RCOR3: variants seen among roughly 807,000 people sequenced by gnomAD.
RCOR3 encodes the protein REST corepressor 3.
Under a neutral mutation model 64.1 loss-of-function variants are expected in RCOR3, and 13 were observed. That is an observed-to-expected ratio of 0.20 (90% CI 0.13 to 0.32). The LOEUF is 0.32. RCOR3 is among the 10% of genes least tolerant of loss of function. The pLI is 1.00. For missense variants in RCOR3, 489 were observed against 701.2 expected, an observed-to-expected ratio of 0.70 and a Z score of 3.42; for synonymous variants, 215 against 239.0, an observed-to-expected ratio of 0.90 and a Z score of 0.93.
chr1:211,300,688 A>G (rs555999288), intron 9 of RCOR3, among the ~76,000 whole-genome samples: 7 of 152,320 alleles, frequency 4.6e-5, no homozygotes, highest in African/African-American at 1.7e-4. Flanking sequence ...AATTACACAA[A>G]TTTATCCAGA....
chr1:211,292,468 AC>A (rs1317326231), intron 8 of RCOR3, among the ~76,000 whole-genome samples: 20 of 152,326 alleles, frequency 1.3e-4, no homozygotes, highest in African/African-American at 4.8e-4. Flanking sequence ...TCTCAGTACT[AC>A]TACTCCTACA....
At position 211,259,393 on chromosome 1, in the gene RCOR3, C is replaced by T. The variant is rs975416333; in HGVS notation, c.-168C>T. On this transcript the variant is annotated 5_prime_UTR_variant, in exon 1 of 12. Coordinates refer to ENST00000419091, the MANE Select transcript of RCOR3 (RefSeq NM_001136223.3). ...TGTTGTGAGGCGACTGCGCTACTGCCGGAGCGGGGCGGTTATGGCGGCTCC... is the reference window on the plus strand; with the variant it reads ...TGTTGTGAGGCGACTGCGCTACTGCTGGAGCGGGGCGGTTATGGCGGCTCC... The T allele has an allele frequency of 3.3e-6, 2 of 610,278 alleles. No homozygotes were observed. Among genetic ancestry groups the T allele is most frequent in the Admixed American group, 3.4e-5 (1 of 29,224 alleles). 37.8% of individuals were successfully genotyped at this position (610,278 alleles called of 1,614,324 possible). A position where few individuals can be genotyped will look rare whatever the true frequency, so the allele number is the denominator to read the frequency against.
intron 7 of RCOR3, among the ~76,000 whole-genome samples, chr1:211,286,607 G>A (rs1290527859): frequency 2.6e-5 from 4 of 151,884 alleles, no homozygotes; most frequent in Admixed American, 6.6e-5. Context: ...GTGCCCAGCC[G>A]GGATGTTTCT....
At chr1:211,295,121 C>A (rs906051281) in intron 8 of RCOR3, among the ~76,000 whole-genome samples, 26 of 149,650 alleles carry the variant, frequency 1.7e-4, no homozygotes, top group African/African-American at 6.5e-4. Flanking sequence ...TCCTGGCCTC[C>A]AAAAACACTA....
intron 8 of RCOR3, among the ~76,000 whole-genome samples, chr1:211,290,537 AT>A (rs1056565702): frequency 2.7e-5 from 4 of 150,480 alleles, no homozygotes; most frequent in Admixed American, 2.0e-4. Flanking sequence ...TTTTCTCCTC[AT>A]TTTTTTTATT....
In RCOR3 at chr1:211,314,622, A is replaced by G. The variant is rs577936115; in HGVS notation, c.*854A>G. The G allele has an allele frequency of 1.3e-5, 2 of 152,288 alleles. No homozygotes were observed. The highest frequency in any genetic ancestry group is 2.9e-5 in the Non-Finnish European group (2 of 67,992). The allele number at this position is 152,288 out of a possible 1,614,324, so 9.4% of individuals were successfully genotyped here. ...TTGGTTTTTTTTGTTTCTAAATGCT[A>G]TCTGCTTTTAACTAGTAGTTGCCTA... On this transcript the variant is annotated 3_prime_UTR_variant, in exon 12 of 12. Coordinates refer to ENST00000419091, the MANE Select transcript of RCOR3 (RefSeq NM_001136223.3).
intron 2 of RCOR3, among the ~76,000 whole-genome samples, chr1:211,270,773 ATCTGTTTTCCT>A (rs1399176782): frequency 7.2e-5 from 11 of 151,960 alleles, no homozygotes; most frequent in Non-Finnish European, 1.3e-4. Context: ...TGTAATGTAA[ATCTGTTTTCCT>A]TCTGTTTTCC....
At chr1:211,295,797 T>C in intron 9 of RCOR3, 44 bp downstream of exon 9, 1 of 1,542,014 alleles carries the variant, frequency 6.5e-7, no homozygotes, top group Non-Finnish European at 9.0e-7. Context: ...AGTGAAAACT[T>C]GTTTTTTCAG....
At chr1:211,259,815 C>G in intron 1 of RCOR3, 89 bp downstream of exon 1, 1 of 1,233,332 alleles carries the variant, frequency 8.1e-7, no homozygotes, top group Non-Finnish European at 1.1e-6. Context: ...CTCTCCCGCC[C>G]TCCCTCCCCT....
At chr1:211,259,977 G>C (rs1180339526) in intron 1 of RCOR3, 131 bp from the exon 2 acceptor site, 1 of 1,328,412 alleles carries the variant, frequency 7.5e-7, no homozygotes, top group East Asian at 3.0e-5. Flanking sequence ...AGTGCCCCGA[G>C]TTGATATCTT....
rs1286772367 is a variant in RCOR3, at chr1:211,315,513, A to G, written c.*1745A>G. On this transcript the variant is annotated 3_prime_UTR_variant, in exon 12 of 12. Transcript: ENST00000419091. The stretch of plus-strand genomic sequence containing the variant: ...AGCTGATTTAAAATTCTTAATATTC[A>G]AGAATTTATACTTATTTTTTCCTTA... The G allele has an allele frequency of 2.0e-5, 3 of 152,224 alleles. No individual in the cohort carries two copies. The highest frequency in any genetic ancestry group is 2.0e-4 in the Admixed American group (3 of 15,288). The allele number at this position is 152,224 out of a possible 1,614,324, so 9.4% of individuals were successfully genotyped here.
At chr1:211,281,100 A>G (rs1697745431) in intron 7 of RCOR3, among the ~76,000 whole-genome samples, 1 of 151,880 alleles carries the variant, frequency 6.6e-6, no homozygotes, top group Non-Finnish European at 1.5e-5. Flanking sequence ...CCACCACTTC[A>G]CTGAAACTGC....
At position 211,289,296 on chromosome 1, in the gene RCOR3, A is replaced by G. The variant is rs777521754; in HGVS notation, c.839A>G (p.Tyr280Cys). 4 of 1,614,048 alleles carry G rather than the reference A, an allele frequency of 2.5e-6. No homozygotes were observed. Among genetic ancestry groups the G allele is most frequent in the Middle Eastern group, 3.3e-4 (2 of 6,084 alleles). The change falls in exon 8 of 12, where the codon TAT (tyrosine) becomes TGT (cysteine). Residue 280 changes from tyrosine (Y) to cysteine (C), a missense_variant. Tyr to Cys is a radical substitution (Grantham distance 194). This residue lies in a region of RCOR3 where 402 missense variants were observed against 617.0 expected (regional missense o/e 0.65). Transcript: ENST00000419091. ...RSKCRPPKGM[Y>C]LTQEDVVAVS... The stretch of plus-strand genomic sequence containing the variant: ...AAGTGCCGTCCACCTAAGGGCATGT[A>G]TTTAACCCAGGAAGATGTGGTAGCA...
chr1:211,291,056 A>AGT (rs1279622590), intron 8 of RCOR3, among the ~76,000 whole-genome samples: 1 of 152,086 alleles, frequency 6.6e-6, no homozygotes, highest in Non-Finnish European at 1.5e-5. Context: ...ATATTACAGT[A>AGT]GTCCTCCCTT....
intron 2 of RCOR3, among the ~76,000 whole-genome samples, 191 bp downstream of exon 2, chr1:211,260,355 A>T (rs1478760875): frequency 6.6e-6 from 1 of 152,168 alleles, no homozygotes; most frequent in Admixed American, 6.5e-5. Context: ...GTGCACTGCA[A>T]GGTTAACATG....
At chr1:211,279,086 CT>C in intron 6 of RCOR3, 151 bp from the exon 7 acceptor site, 1 of 476,012 alleles carries the variant, frequency 2.1e-6, no homozygotes, top group Non-Finnish European at 3.8e-6. Flanking sequence ...ACTTGGGAGA[CT>C]GAGGTGAGAG....
At chr1:211,264,401 G>A (rs1694855173) in intron 2 of RCOR3, among the ~76,000 whole-genome samples, 1 of 152,186 alleles carries the variant, frequency 6.6e-6, no homozygotes, top group Non-Finnish European at 1.5e-5. Context: ...GAATGAATTG[G>A]CCAGGGGTCA....
At chr1:211,276,209 T>TGG in intron 4 of RCOR3, 48 bp from the exon 5 acceptor site, 1 of 1,547,258 alleles carries the variant, frequency 6.5e-7, no homozygotes, top group East Asian at 2.3e-5. Flanking sequence ...TTAAGTGTGA[T>TGG]GGAACATAAG....
At chr1:211,261,575 C>G (rs1694278504) in intron 2 of RCOR3, among the ~76,000 whole-genome samples, 2 of 152,182 alleles carry the variant, frequency 1.3e-5, no homozygotes, top group African/African-American at 2.4e-5. Flanking sequence ...TCACACCACT[C>G]TGCTCCCTTT....
Sources: allele counts gnomAD v4.1 joint callset (sites outside exome capture counted in the v4.1 genomes callset), GRCh38; gene constraint gnomAD v4.1.1; regional missense constraint gnomAD v4.1.1; transcripts MANE v1.5; gene names NCBI Gene and HGNC (gene_info 2026-07-23, HGNC 2026-07-21).